The following PLCZ1 variants were observed in gnomAD, a reference collection of about 807,000 sequenced individuals.
PLCZ1 encodes phospholipase C zeta 1.
PLCZ1 carries 64 observed loss-of-function variants against 76.8 expected under a neutral mutation model. The observed-to-expected ratio is 0.83, with a 90% CI of 0.68 to 1.03. PLCZ1 has a LOEUF of 1.03. Ranked by LOEUF, PLCZ1 falls within the 50% of genes least tolerant of loss-of-function variation. The pLI is 0.00. For missense variants in PLCZ1, 751 were observed against 713.7 expected, an observed-to-expected ratio of 1.05 and a Z score of -0.60; for synonymous variants, 248 against 230.8, an observed-to-expected ratio of 1.07 and a Z score of -0.68.
the PLCZ1 span, among the ~76,000 whole-genome samples, chr12:18,671,268 A>G: frequency 6.6e-6 from 1 of 152,112 alleles, no homozygotes; most frequent in African/African-American, 2.4e-5. Context: ...TAAATAGTGT[A>G]TGTAAAAACA....
the PLCZ1 span, among the ~76,000 whole-genome samples, chr12:18,671,922 A>C: frequency 2.6e-5 from 4 of 152,104 alleles, no homozygotes. Context: ...TTTTCATGAC[A>C]TCTTGACTTG....
the PLCZ1 span, among the ~76,000 whole-genome samples, chr12:18,653,180 C>T: frequency 7.9e-5 from 12 of 152,132 alleles, no homozygotes; most frequent in African/African-American, 2.9e-4. Context: ...CAGAGACCCA[C>T]TCCCAGCATT....
At chr12:18,720,369 G>A (rs867113422) in intron 4 of PLCZ1, among the ~76,000 whole-genome samples, 1 of 151,452 alleles carries the variant, frequency 6.6e-6, no homozygotes. Context: ...ATTTCTGTAT[G>A]GTGCATGCCT....
the PLCZ1 span, among the ~76,000 whole-genome samples, chr12:18,658,405 A>G: frequency 6.6e-6 from 1 of 152,154 alleles, no homozygotes; most frequent in Non-Finnish European, 1.5e-5. Context: ...CAAACTGTCA[A>G]AAGCAAAAGA....
At chr12:18,678,973 A>G (rs536610820), downstream of PLCZ1, among the ~76,000 whole-genome samples, 9 of 152,184 alleles carry the variant, frequency 5.9e-5, no homozygotes, top group African/African-American at 1.9e-4. Flanking sequence ...GATTGAGTTC[A>G]GTTCTCCACA....
intron 13 of PLCZ1, among the ~76,000 whole-genome samples, chr12:18,687,008 G>A (rs1953252269): frequency 6.6e-6 from 1 of 151,952 alleles, no homozygotes; most frequent in South Asian, 2.1e-4. Flanking sequence ...AGGATGGAGG[G>A]AACAAGAGAT....
chr12:18,708,109 G>T (rs1369567403), intron 6 of PLCZ1, among the ~76,000 whole-genome samples: 2 of 152,076 alleles, frequency 1.3e-5, no homozygotes, highest in Non-Finnish European at 2.9e-5. Context: ...TAGATGTCTA[G>T]ACTTTTTCAT....
At chr12:18,659,727 G>T in the PLCZ1 span, among the ~76,000 whole-genome samples, 2 of 146,512 alleles carry the variant, frequency 1.4e-5, no homozygotes, top group African/African-American at 5.2e-5. Flanking sequence ...ACAACGTGCA[G>T]GTTTGTTAAA....
intron 3 of PLCZ1, among the ~76,000 whole-genome samples, chr12:18,724,644 G>A (rs12307562): frequency 0.21 from 31,513 of 151,760 alleles, 3,513 homozygotes; most frequent in East Asian, 0.32. Context: ...TAATTCATGC[G>A]TATTGTTCAT....
chr12:18,727,048 G>T (rs547308930), intron 3 of PLCZ1, among the ~76,000 whole-genome samples: 4 of 152,078 alleles, frequency 2.6e-5, no homozygotes, highest in African/African-American at 9.7e-5. Flanking sequence ...TACAGGTGCC[G>T]AAATATAATC....
At chr12:18,686,697 A>G (rs999211871) in intron 13 of PLCZ1, among the ~76,000 whole-genome samples, 6 of 152,044 alleles carry the variant, frequency 3.9e-5, no homozygotes, top group Admixed American at 3.9e-4. Flanking sequence ...GAATTACTCT[A>G]AATCATAATT....
At chr12:18,684,364 C>A in intron 13 of PLCZ1, 85 bp from the exon 14 acceptor site, 10 of 1,277,422 alleles carry the variant, frequency 7.8e-6, no homozygotes, top group Non-Finnish European at 9.9e-6. Context: ...CAAACTTTTT[C>A]TTTTCAACCC....
chr12:18,692,991 C>T, intron 12 of PLCZ1: 1 of 1,401,972 alleles, frequency 7.1e-7, no homozygotes, highest in Non-Finnish European at 1.0e-6. Context: ...TAAAGACTAT[C>T]TTCTCATGGA....
intron 6 of PLCZ1, among the ~76,000 whole-genome samples, chr12:18,708,383 A>G (rs1337255798): frequency 2.6e-5 from 4 of 152,162 alleles, no homozygotes; most frequent in African/African-American, 9.7e-5. Context: ...TCCATTGCAT[A>G]TATCCATTTT....
chr12:18,656,649 T>C, the PLCZ1 span, among the ~76,000 whole-genome samples: 21 of 152,070 alleles, frequency 1.4e-4, no homozygotes, highest in African/African-American at 5.1e-4. Flanking sequence ...GGTGGAAGGA[T>C]TGCTTGAGGC....
intron 4 of PLCZ1, among the ~76,000 whole-genome samples, chr12:18,721,884 AC>A (rs941164262): frequency 6.6e-6 from 1 of 151,954 alleles, no homozygotes; most frequent in Non-Finnish European, 1.5e-5. Flanking sequence ...AATATCGAGA[AC>A]CCTTCAAAAT....
At chr12:18,665,182 A>T in the PLCZ1 span, among the ~76,000 whole-genome samples, 611 of 130,778 alleles carry the variant, frequency 4.7e-3, 5 homozygotes, top group African/African-American at 0.015. Flanking sequence ...AAAAAAAATT[A>T]AAAAAAATAA....
the PLCZ1 span, among the ~76,000 whole-genome samples, chr12:18,655,030 C>T: frequency 7.0e-6 from 1 of 142,102 alleles, no homozygotes; most frequent in Non-Finnish European, 1.5e-5. Flanking sequence ...CCGAAACAGT[C>T]TTAAAAGTAT....
At chr12:18,719,669 A>C in intron 4 of PLCZ1, 37 bp from the exon 5 acceptor site, 1 of 1,427,782 alleles carries the variant, frequency 7.0e-7, no homozygotes, top group South Asian at 1.3e-5. Context: ...AAAGGATGCA[A>C]AAATACCATT....
Sources: gnomAD v4.1 joint callset for allele counts (sites outside exome capture counted in the v4.1 genomes callset) on GRCh38, gnomAD v4.1.1 for gene constraint, MANE v1.5 for transcripts, NCBI Gene and HGNC (gene_info 2026-07-23, HGNC 2026-07-21) for gene names.